The following DEPDC5 variants were observed in gnomAD, a reference collection of about 807,000 sequenced individuals.
The protein encoded by DEPDC5 is GATOR1 complex protein DEPDC5.
In DEPDC5, 73 loss-of-function variants were observed where a neutral mutation model predicts 217.3. The ratio of observed to expected loss-of-function variants is 0.34; its 90% confidence interval spans 0.28 to 0.41. The LOEUF (loss-of-function observed/expected upper bound fraction) is 0.41. Ranked by LOEUF, DEPDC5 falls within the 10% of genes least tolerant of loss-of-function variation. The probability of loss-of-function intolerance (pLI) is 1.00; values close to 1 mark genes in which losing one functional copy is unlikely to be tolerated. For synonymous variants in DEPDC5, 733 were observed against 756.7 expected, an observed-to-expected ratio of 0.97 and a Z score of 0.51; for missense variants, 1,675 against 2,070.1, an observed-to-expected ratio of 0.81 and a Z score of 3.70.
intron 32 of DEPDC5, among the ~76,000 whole-genome samples, chr22:31,860,161 A>G (rs560258981): frequency 6.6e-6 from 1 of 152,250 alleles, no homozygotes; most frequent in Non-Finnish European, 1.5e-5. Context: ...ACTCCTGAAT[A>G]GTCAGGGGAA....
At chr22:31,867,829 G>T (rs999792024) in intron 33 of DEPDC5, among the ~76,000 whole-genome samples, 1 of 152,148 alleles carries the variant, frequency 6.6e-6, no homozygotes, top group African/African-American at 2.4e-5. Context: ...GGACTAATGT[G>T]CATTTCTGGT....
chr22:31,841,769 G>A (rs758013712), intron 27 of DEPDC5, among the ~76,000 whole-genome samples: 6 of 152,196 alleles, frequency 3.9e-5, no homozygotes, highest in Admixed American at 2.0e-4. Context: ...TTTGTGAAGG[G>A]AGTAACCTCC....
intron 4 of DEPDC5, among the ~76,000 whole-genome samples, chr22:31,760,925 C>T (rs1199961160): frequency 6.6e-6 from 1 of 151,434 alleles, no homozygotes; most frequent in Non-Finnish European, 1.5e-5. Context: ...ACACAGTGAA[C>T]CTTGTATCTG....
At chr22:31,897,429 C>T in intron 39 of DEPDC5, 53 bp from the exon 40 acceptor site, 1 of 1,554,510 alleles carries the variant, frequency 6.4e-7, no homozygotes, top group Non-Finnish European at 8.7e-7. Flanking sequence ...AGTATTTTCT[C>T]TTGTTTGAAA....
At chr22:31,895,572 G>A (rs1176765670) in intron 39 of DEPDC5, among the ~76,000 whole-genome samples, 4 of 152,004 alleles carry the variant, frequency 2.6e-5, no homozygotes, top group African/African-American at 4.8e-5. Flanking sequence ...ACTGAATCTC[G>A]CTTCTCTCAA....
At chr22:31,826,681 C>G (rs968450786) in intron 24 of DEPDC5, among the ~76,000 whole-genome samples, 1 of 152,184 alleles carries the variant, frequency 6.6e-6, no homozygotes, top group Non-Finnish European at 1.5e-5. Context: ...CCCAATTGTA[C>G]AACTTGGCAT....
intron 12 of DEPDC5, among the ~76,000 whole-genome samples, chr22:31,794,141 C>T (rs2085986762): frequency 6.6e-6 from 1 of 152,080 alleles, no homozygotes; most frequent in South Asian, 2.1e-4. Flanking sequence ...TGCTTTTTGA[C>T]CACTGTATTC....
At chr22:31,877,001 G>A (rs1034612935) in intron 37 of DEPDC5, among the ~76,000 whole-genome samples, 3 of 152,010 alleles carry the variant, frequency 2.0e-5, no homozygotes, top group East Asian at 3.9e-4. Flanking sequence ...AAATTAGCCG[G>A]GTGTGGTGGT....
rs183972064 is a variant in DEPDC5, at chr22:31,905,152, C to T, written c.4437-832C>T. ...GCTCCTCCTGCCCATTTCCAGAGCA[C>T]AGGGAAGCAGAGAGCCCCAGCTTGG... On this transcript the variant is annotated intron_variant, in intron 41 of 42. Coordinates refer to ENST00000651528, the MANE Select transcript of DEPDC5 (RefSeq NM_001242896.3). Among the ~76,000 whole-genome samples, 390 of 152,164 alleles carry T rather than the reference C, an allele frequency of 2.6e-3. 1 individual carries two copies. Among genetic ancestry groups the T allele is most frequent in the Non-Finnish European group, 4.1e-3 (280 of 67,998 alleles).
chr22:31,779,489 A>G (rs932214142), intron 8 of DEPDC5, among the ~76,000 whole-genome samples: 7 of 152,178 alleles, frequency 4.6e-5, no homozygotes, highest in African/African-American at 1.4e-4. Context: ...GGTAGGGAGA[A>G]TGATGTTGGT....
intron 31 of DEPDC5, among the ~76,000 whole-genome samples, chr22:31,847,270 C>T (rs1476320971): frequency 6.6e-6 from 1 of 152,076 alleles, no homozygotes; most frequent in Non-Finnish European, 1.5e-5. Context: ...ATAATCCCAC[C>T]ACTTTGGAAG....
At chr22:31,853,467 T>C (rs1251702261) in intron 31 of DEPDC5, 1 of 152,248 alleles carries the variant, frequency 6.6e-6, no homozygotes, top group African/African-American at 2.4e-5. Context: ...AACATTTGTA[T>C]AACATTTGCT....
intron 24 of DEPDC5, chr22:31,826,572 C>A: frequency 2.7e-6 from 1 of 371,892 alleles, no homozygotes; most frequent in Non-Finnish European, 5.3e-6. Context: ...TCAGCTGCAA[C>A]AATACCTCTT....
chr22:31,799,365 T>G (rs1419002596), intron 14 of DEPDC5, among the ~76,000 whole-genome samples: 2 of 150,952 alleles, frequency 1.3e-5, no homozygotes, highest in Non-Finnish European at 3.0e-5. Context: ...AAATATACTT[T>G]AAATTCTGGG....
In DEPDC5 at chr22:31,806,163, C is replaced by T; in HGVS notation, c.1259C>T (p.Thr420Ile). 1 of 1,613,998 alleles carries T rather than the reference C, an allele frequency of 6.2e-7. No individual in the cohort carries two copies. The highest frequency in any genetic ancestry group is 8.5e-7 in the Non-Finnish European group (1 of 1,179,938). The change falls in exon 18 of 43, where the codon ACC (threonine) becomes ATC (isoleucine). Residue 420 changes from threonine (T) to isoleucine (I), a missense_variant. Coordinates refer to ENST00000651528, the MANE Select transcript of DEPDC5 (RefSeq NM_001242896.3). Reference protein sequence around the residue: ...SKSQLFCNSFTPRIKLAGKKP... With the variant: ...SKSQLFCNSFIPRIKLAGKKP... ...AGCCAGCTCTTTTGTAATAGTTTCA[C>T]CCCACGAATAAAACTGGCAGGAAAG...
chr22:31,869,619 A>G (rs2149222893), intron 33 of DEPDC5, among the ~76,000 whole-genome samples: 1 of 151,842 alleles, frequency 6.6e-6, no homozygotes, highest in Non-Finnish European at 1.5e-5. Flanking sequence ...AGTTGTGGAG[A>G]AGAGCACCCC....
intron 30 of DEPDC5, among the ~76,000 whole-genome samples, chr22:31,845,916 G>T (rs1317878047): frequency 6.7e-6 from 1 of 150,144 alleles, no homozygotes; most frequent in African/African-American, 2.5e-5. Context: ...GCAGGAGTGT[G>T]GTGGCATGAT....
At chr22:31,781,532 A>G (rs60136719) in intron 8 of DEPDC5, among the ~76,000 whole-genome samples, 15,352 of 152,090 alleles carry the variant, frequency 0.1, 840 homozygotes, top group Admixed American at 0.14. Context: ...CCCGGGGTTC[A>G]AGCGATTCTC....
chr22:31,800,519 G>T (rs1218677066), intron 14 of DEPDC5, among the ~76,000 whole-genome samples: 1 of 151,968 alleles, frequency 6.6e-6, no homozygotes, highest in African/African-American at 2.4e-5. Context: ...TGCTTCTCAT[G>T]GTCAGGAACT....
Sources: allele counts gnomAD v4.1 joint callset (sites outside exome capture counted in the v4.1 genomes callset), GRCh38; gene constraint gnomAD v4.1.1; transcripts MANE v1.5; gene names NCBI Gene and HGNC (gene_info 2026-07-23, HGNC 2026-07-21).